Variants in PKNOX1 observed in about 807,000 individuals in gnomAD.
PKNOX1 encodes PBX/knotted 1 homeobox 1, also known as homeobox protein PKNOX1.
PKNOX1 carries 15 observed loss-of-function variants against 51.9 expected under a neutral mutation model. The ratio of observed to expected loss-of-function variants is 0.29; its 90% CI spans 0.19 to 0.45. The LOEUF is 0.45. PKNOX1 is among the 20% of genes least tolerant of loss of function. PKNOX1 has a pLI of 1.00. For missense variants in PKNOX1, 462 were observed against 547.5 expected (o/e 0.84, Z 1.56); for synonymous variants, 219 against 211.1 (o/e 1.04, Z -0.32).
rs558908421 is a variant in PKNOX1 at position 42,985,536 on chromosome 21, T to C, written c.-57+10872T>C. ...TTTTAGTAGAGACGGGGTTTTGCCA[T>C]GTTGGCCAGGCTGGTCTCGAACTCC... On this transcript the variant is annotated intron_variant, in intron 1 of 10. Transcript: ENST00000291547. Among the ~76,000 whole-genome samples, 48 of 148,434 alleles carry C rather than the reference T, an allele frequency of 3.2e-4. 1 individual carries two copies. The highest frequency in any genetic ancestry group is 1.1e-3 in the Admixed American group (17 of 14,870).
Position 43,021,466 on chromosome 21 carries a change from C to T in PKNOX1, c.849+35C>T, listed in dbSNP as rs1979750953. ...GCTGGGCCAGCCCTTGCCTTGCAGCCCTCTGCGACGCTTGCTCTCTGGCTT... is the reference window on the plus strand; with the variant it reads ...GCTGGGCCAGCCCTTGCCTTGCAGCTCTCTGCGACGCTTGCTCTCTGGCTT... On this transcript the variant is annotated intron_variant, in intron 8 of 10. Coordinates refer to ENST00000291547, the MANE Select transcript of PKNOX1 (RefSeq NM_004571.5). This position sits in a 1 kb window ranked among gnomAD's most constrained non-coding sequence, Gnocchi z 4.6. 25 of 1,562,100 alleles carry T rather than the reference C, an allele frequency of 1.6e-5. No individual in the cohort carries two copies. The East Asian group carries it at 4.4e-4, about 27-fold the overall frequency.
chr21:42,996,032 A>T (rs758720773), intron 1 of PKNOX1, among the ~76,000 whole-genome samples: 3 of 152,190 alleles, frequency 2.0e-5, no homozygotes, highest in Non-Finnish European at 2.9e-5. Context: ...TGGGCAACAA[A>T]GTGAAACCTC....
intron 4 of PKNOX1, among the ~76,000 whole-genome samples, chr21:43,010,604 C>G (rs1440424737): frequency 1.3e-5 from 2 of 152,022 alleles, no homozygotes; most frequent in Non-Finnish European, 1.5e-5. Flanking sequence ...GTAATCCCAG[C>G]ACTTTGGGAG....
intron 9 of PKNOX1, among the ~76,000 whole-genome samples, chr21:43,025,223 G>A (rs532969633): frequency 6.6e-6 from 1 of 152,286 alleles, no homozygotes; most frequent in Non-Finnish European, 1.5e-5. Flanking sequence ...ATGGGAGCAG[G>A]AGACTTAGGA....
rs927112034 is a variant in PKNOX1 at position 43,032,562 on chromosome 21, A to G, written c.*2461A>G. The G allele has an allele frequency of 5.4e-5, 11 of 205,600 alleles. No homozygotes were observed. Among genetic ancestry groups the G allele is most frequent in the Non-Finnish European group, 1.1e-4 (11 of 97,622 alleles). The allele number at this position is 205,600 out of a possible 1,614,324, so 12.7% of individuals were successfully genotyped here. A position where few individuals can be genotyped will look rare whatever the true frequency, so the allele number is the denominator to read the frequency against. On this transcript the variant is annotated 3_prime_UTR_variant, in exon 11 of 11. Coordinates refer to ENST00000291547, the MANE Select transcript of PKNOX1 (RefSeq NM_004571.5). ...TGCCAGGAGTTTGAGGCTGCAGTGCACTATGCTTGCACCTGTGAATAGCCA... is the reference window on the plus strand; with the variant it reads ...TGCCAGGAGTTTGAGGCTGCAGTGCGCTATGCTTGCACCTGTGAATAGCCA...
intron 3 of PKNOX1, chr21:43,007,851 G>A (rs1021974728): frequency 1.8e-5 from 7 of 394,760 alleles, no homozygotes; most frequent in Admixed American, 8.2e-5. Context: ...ATCACTTGAG[G>A]TTAAGAGTTT....
rs1979736712 is a variant in PKNOX1 at position 43,021,186 on chromosome 21, C to T, written c.721-117C>T. The T allele has an allele frequency of 3.6e-5, 29 of 794,944 alleles. No homozygotes were observed. The South Asian group carries it at 4.7e-4, about 13-fold the overall frequency. The allele number at this position is 794,944 out of a possible 1,614,324, so 49.2% of individuals were successfully genotyped here. A position where few individuals can be genotyped will look rare whatever the true frequency, so the allele number is the denominator to read the frequency against. On this transcript the variant is annotated intron_variant, in intron 7 of 10. Coordinates refer to ENST00000291547, the MANE Select transcript of PKNOX1 (RefSeq NM_004571.5). The surrounding 1 kb of genome is among the most constrained non-coding windows in gnomAD (Gnocchi z 4.6). ...CCACACAGGGTTCCCGTGCATGGGC[C>T]TCGACTACAATCATTTCCCTGTCCG...
intron 4 of PKNOX1, among the ~76,000 whole-genome samples, chr21:43,012,112 G>C (rs1045382217): frequency 3.3e-5 from 5 of 152,196 alleles, no homozygotes; most frequent in African/African-American, 1.2e-4. Context: ...AGATACCTAC[G>C]AATTCCTACC....
intron 1 of PKNOX1, among the ~76,000 whole-genome samples, chr21:42,976,052 ATTTAC>A (rs1402613870): frequency 1.3e-5 from 2 of 152,192 alleles, no homozygotes; most frequent in Non-Finnish European, 2.9e-5. Flanking sequence ...ACTCTGCTTA[ATTTAC>A]TTAGAGTGAT....
intron 1 of PKNOX1, among the ~76,000 whole-genome samples, chr21:42,976,611 G>A (rs983014947): frequency 4.6e-5 from 7 of 152,212 alleles, no homozygotes; most frequent in Non-Finnish European, 1.0e-4. Context: ...TTTCCACAAT[G>A]TGCACAGCGT....
At position 42,995,854 on chromosome 21, in the gene PKNOX1, T is replaced by C. The variant is rs1413242767; in HGVS notation, c.-56-8472T>C. Among the ~76,000 whole-genome samples, 3 of 152,210 alleles carry C rather than the reference T, an allele frequency of 2.0e-5. No homozygotes were observed. The East Asian group carries it at 5.8e-4, about 29-fold the overall frequency. ...AAAGCTGTCGTCATCCTCTACACGT[T>C]AGAGAACTCTTGTATTTTAGAGCTT... On this transcript the variant is annotated intron_variant, in intron 1 of 10. Coordinates refer to ENST00000291547, the MANE Select transcript of PKNOX1 (RefSeq NM_004571.5).
At chr21:42,988,548 A>C in intron 1 of PKNOX1, among the ~76,000 whole-genome samples, 1 of 152,198 alleles carries the variant, frequency 6.6e-6, no homozygotes, top group East Asian at 1.9e-4. Flanking sequence ...TTAAATCACC[A>C]TTAGAATTGT....
chr21:43,005,253 G>A (rs991686116), intron 2 of PKNOX1, among the ~76,000 whole-genome samples: 5 of 152,108 alleles, frequency 3.3e-5, no homozygotes, highest in African/African-American at 1.2e-4. Flanking sequence ...CCACCTCGAG[G>A]ACTTCGGTGG....
rs149510960 is a variant in PKNOX1, at chr21:43,018,217, T to C, written c.707T>C (p.Ile236Thr). The change falls in exon 7 of 11, where the codon ATC (isoleucine) becomes ACC (threonine). Residue 236 changes from isoleucine (I) to threonine (T), a missense_variant. Coordinates refer to ENST00000291547, the MANE Select transcript of PKNOX1 (RefSeq NM_004571.5). ...ACATTGTCGCCTGGGACAATTAGGA[T>C]CCAGAACTCCCAGGTGCGTGCGCCA... is the stretch of plus-strand genomic sequence containing the variant. ...TQTLSPGTIRIQNSQLQLQLN... is the reference protein window; with the variant it reads ...TQTLSPGTIRTQNSQLQLQLN... 1 of 1,612,756 alleles carries C rather than the reference T, an allele frequency of 6.2e-7. No individual in the cohort carries two copies. Among genetic ancestry groups the C allele is most frequent in the Admixed American group, 1.7e-5 (1 of 59,976 alleles).
intron 3 of PKNOX1, among the ~76,000 whole-genome samples, 179 bp from the exon 4 acceptor site, chr21:43,009,874 G>A (rs982384547): frequency 1.3e-4 from 20 of 152,148 alleles, no homozygotes; most frequent in African/African-American, 4.8e-4. Flanking sequence ...CAAAGTTGAC[G>A]GCGGCAATGC....
At chr21:43,025,890 T>C (rs1387266004) in intron 9 of PKNOX1, among the ~76,000 whole-genome samples, 2 of 152,226 alleles carry the variant, frequency 1.3e-5, no homozygotes, top group African/African-American at 4.8e-5. Flanking sequence ...AGTACTTCCA[T>C]GATCCTGCAT....
At chr21:42,993,310 G>T (rs575940895) in intron 1 of PKNOX1, among the ~76,000 whole-genome samples, 1 of 152,044 alleles carries the variant, frequency 6.6e-6, no homozygotes, top group East Asian at 1.9e-4. Context: ...ACGAATGTCC[G>T]TCTCGCCTCC....
chr21:43,024,990 G>A, intron 9 of PKNOX1, 43 bp downstream of exon 9: 1 of 1,241,332 alleles, frequency 8.1e-7, no homozygotes, highest in Non-Finnish European at 1.2e-6. Context: ...CAGCACGGTA[G>A]AGCACTTGGA....
In PKNOX1 at chr21:43,009,800, G is replaced by A. The variant is rs145841799; in HGVS notation, c.180-253G>A. On this transcript the variant is annotated intron_variant, in intron 3 of 10. Transcript: ENST00000291547. ...GTAGGTTCTAACAGGCTGGGGTCTG[G>A]GAAAAAATGGAGAATGACTGCTATT... 1.9e-3 allele frequency among the ~76,000 whole-genome samples: 292 copies of A among 152,172 alleles called. 1 individual carries two copies. The highest frequency in any genetic ancestry group is 4.6e-3 in the South Asian group (22 of 4,826).
Sources: allele counts gnomAD v4.1 joint callset (sites outside exome capture counted in the v4.1 genomes callset), GRCh38; gene constraint gnomAD v4.1.1; non-coding constraint Gnocchi (gnomAD v3.1); transcripts MANE v1.5; gene names NCBI Gene and HGNC (gene_info 2026-07-23, HGNC 2026-07-21).